The following PSD3 variants were observed in gnomAD, a reference collection of about 807,000 sequenced individuals.
The protein encoded by PSD3 is pleckstrin and Sec7 domain containing 3.
A neutral mutation model predicts 105.5 loss-of-function variants in PSD3; 49 were observed. That is an observed-to-expected ratio of 0.46 (90% CI 0.37 to 0.59). The LOEUF is 0.59. Among genes scored for constraint, PSD3 ranks in the 20% least tolerant of loss-of-function variants. The pLI is 0.00. For missense variants in PSD3, 1,561 were observed against 1,263.8 expected, an observed-to-expected ratio of 1.24 and a Z score of -3.57; for synonymous variants, 557 against 457.8, an observed-to-expected ratio of 1.22 and a Z score of -2.77.
intron 1 of PSD3, among the ~76,000 whole-genome samples, chr8:18,944,590 A>G (rs1034641761): frequency 6.6e-6 from 1 of 150,440 alleles, no homozygotes; most frequent in African/African-American, 2.4e-5. Context: ...AAATAAATAA[A>G]TAAATAAATA....
At chr8:18,810,618 C>A (rs1313011912) in intron 4 of PSD3, among the ~76,000 whole-genome samples, 2 of 152,140 alleles carry the variant, frequency 1.3e-5, no homozygotes, top group African/African-American at 4.8e-5. Flanking sequence ...GGTGTCAAAG[C>A]TCCCTGTATG....
chr8:18,851,567 A>G (rs1220424499), intron 4 of PSD3, among the ~76,000 whole-genome samples: 2 of 152,258 alleles, frequency 1.3e-5, no homozygotes, highest in Non-Finnish European at 2.9e-5. Flanking sequence ...CATGTCCCAC[A>G]GCAGCATGGC....
At chr8:18,825,808 T>A (rs1209175597) in intron 4 of PSD3, among the ~76,000 whole-genome samples, 2 of 152,206 alleles carry the variant, frequency 1.3e-5, no homozygotes, top group African/African-American at 4.8e-5. Context: ...CAGGGATCTA[T>A]GTAGTCGATT....
intron 9 of PSD3, chr8:18,734,458 G>A (rs982577476): frequency 2.0e-5 from 3 of 152,112 alleles, no homozygotes; most frequent in Non-Finnish European, 4.4e-5. Context: ...GTTGTCACAA[G>A]ATGATGGTTC....
chr8:18,593,330 T>G (rs1356016575), intron 12 of PSD3, among the ~76,000 whole-genome samples: 1 of 152,136 alleles, frequency 6.6e-6, no homozygotes, highest in African/African-American at 2.4e-5. Flanking sequence ...AACAGACACT[T>G]CTCAAAAGAA....
chr8:18,654,594 C>T (rs976126234), intron 10 of PSD3, among the ~76,000 whole-genome samples: 5 of 152,106 alleles, frequency 3.3e-5, no homozygotes, highest in East Asian at 3.9e-4. Context: ...TATTGTTCTA[C>T]GTAGACCTAG....
intron 9 of PSD3, among the ~76,000 whole-genome samples, chr8:18,753,028 G>A (rs1360702342): frequency 6.6e-6 from 1 of 151,644 alleles, no homozygotes; most frequent in Non-Finnish European, 1.5e-5. Flanking sequence ...TTTTTTTCTG[G>A]GAAAAAGTGT....
At chr8:18,898,015 G>C (rs2555620) in intron 2 of PSD3, among the ~76,000 whole-genome samples, 4,307 of 152,214 alleles carry the variant, frequency 0.028, 189 homozygotes, top group African/African-American at 0.098. Flanking sequence ...CAGAGCTAGA[G>C]GAAAAGTTTG....
At chr8:18,995,296 G>T (rs887576887) in intron 1 of PSD3, among the ~76,000 whole-genome samples, 13 of 152,066 alleles carry the variant, frequency 8.5e-5, no homozygotes, top group African/African-American at 3.1e-4. Context: ...ATGAAACTTG[G>T]CCTAGTCTCT....
chr8:18,976,012 A>G (rs1824926574), intron 1 of PSD3, among the ~76,000 whole-genome samples: 1 of 152,228 alleles, frequency 6.6e-6, no homozygotes, highest in Admixed American at 6.5e-5. Context: ...CACTTCTAAG[A>G]AATTTCCAGA....
intron 9 of PSD3, among the ~76,000 whole-genome samples, chr8:18,688,372 T>G (rs550118016): frequency 6.6e-6 from 1 of 152,148 alleles, no homozygotes; most frequent in African/African-American, 2.4e-5. Flanking sequence ...GCTGGGATTA[T>G]GGGCGTGAGC....
intron 1 of PSD3, among the ~76,000 whole-genome samples, chr8:18,973,005 T>C (rs1222175567): frequency 6.6e-6 from 1 of 152,132 alleles, no homozygotes; most frequent in East Asian, 1.9e-4. Context: ...AACTTCGAAT[T>C]TGGACAAAAA....
chr8:19,010,783 C>G (rs924569348), intron 1 of PSD3, among the ~76,000 whole-genome samples: 2 of 152,042 alleles, frequency 1.3e-5, no homozygotes, highest in Non-Finnish European at 2.9e-5. Flanking sequence ...CCTGTACTCT[C>G]CTAAATGAAA....
intron 7 of PSD3, among the ~76,000 whole-genome samples, chr8:18,800,605 G>A (rs1369489493): frequency 2.0e-5 from 3 of 152,156 alleles, no homozygotes; most frequent in Non-Finnish European, 2.9e-5. Context: ...TGAAATGGAG[G>A]AAAGATCTCT....
intron 1 of PSD3, among the ~76,000 whole-genome samples, chr8:18,941,438 C>T (rs1170891450): frequency 6.6e-6 from 1 of 152,120 alleles, no homozygotes; most frequent in Admixed American, 6.6e-5. Flanking sequence ...GGAGCAGTAA[C>T]ATCTTTTCCT....
At position 18,903,980 on chromosome 8, in the gene PSD3, G is replaced by A. The variant is rs115893432; in HGVS notation, c.131-31247C>T. Among the ~76,000 whole-genome samples, 905 of 151,192 alleles carry A rather than the reference G, an allele frequency of 6.0e-3. 10 individuals carry two copies. Among genetic ancestry groups the A allele is most frequent in the African/African-American group, 0.021 (877 of 41,294 alleles). The stretch of plus-strand genomic sequence containing the variant: ...TCTACTTCTGCCTGGGGAAGTGTAT[G>A]ATTCTGTTTTGCAGTGCTATAAAGG... On this transcript the variant is annotated intron_variant, in intron 2 of 15. Coordinates refer to ENST00000327040, the MANE Select transcript of PSD3 (RefSeq NM_015310.4).
At chr8:18,573,935 T>C (rs995806403) in intron 13 of PSD3, among the ~76,000 whole-genome samples, 1 of 152,202 alleles carries the variant, frequency 6.6e-6, no homozygotes, top group African/African-American at 2.4e-5. Flanking sequence ...GGTGATATTT[T>C]ATGGTACGTA....
At chr8:18,609,086 G>T (rs1217260935) in intron 11 of PSD3, among the ~76,000 whole-genome samples, 2 of 151,984 alleles carry the variant, frequency 1.3e-5, no homozygotes, top group East Asian at 1.9e-4. Flanking sequence ...ATTGCCTATT[G>T]TTTTCATTTA....
chr8:19,024,084 T>C (rs185522596), intron 1 of PSD3, among the ~76,000 whole-genome samples: 43 of 152,324 alleles, frequency 2.8e-4, no homozygotes, highest in Admixed American at 1.4e-3. Context: ...CTGTAAACAT[T>C]TGAGAAGAAA....
Sources: gnomAD v4.1 joint callset for allele counts (sites outside exome capture counted in the v4.1 genomes callset) on GRCh38, gnomAD v4.1.1 for gene constraint, MANE v1.5 for transcripts, NCBI Gene and HGNC (gene_info 2026-07-23, HGNC 2026-07-21) for gene names.